The following NAALADL2 variants were observed in gnomAD, a reference collection of about 807,000 sequenced individuals.
The protein encoded by NAALADL2 is N-acetylated alpha-linked acidic dipeptidase like 2.
Under a neutral mutation model 87.2 loss-of-function variants are expected in NAALADL2, and 76 were observed. The observed-to-expected ratio is 0.87, with a 90% CI of 0.72 to 1.05. The LOEUF is 1.05. Ranked by LOEUF, NAALADL2 falls within the 50% of genes least tolerant of loss-of-function variation. The pLI, the probability that NAALADL2 is intolerant of heterozygous loss-of-function variation, is 0.00. For synonymous variants in NAALADL2, 354 were observed against 331.0 expected, an observed-to-expected ratio of 1.07 and a Z score of -0.75; for missense variants, 1,089 against 945.8, an observed-to-expected ratio of 1.15 and a Z score of -1.99.
At chr3:175,782,823 T>G (rs201278814) in intron 13 of NAALADL2, among the ~76,000 whole-genome samples, 4,408 of 140,164 alleles carry the variant, frequency 0.031, 254 homozygotes, top group African/African-American at 0.13. Flanking sequence ...TTCTTCTAGG[T>G]TTTTTATGGT....
chr3:175,029,591 G>A (rs1045126077), intron 1 of NAALADL2, among the ~76,000 whole-genome samples: 23 of 152,102 alleles, frequency 1.5e-4, no homozygotes, highest in Admixed American at 7.9e-4. Context: ...GGGAGAAAAC[G>A]AAATTTGACC....
chr3:174,887,413 G>C (rs775801133), intron 1 of NAALADL2, among the ~76,000 whole-genome samples: 5 of 151,774 alleles, frequency 3.3e-5, no homozygotes, highest in Non-Finnish European at 7.4e-5. Context: ...TTTATTAGTA[G>C]GTCACCATAT....
chr3:174,702,300 A>G (rs1327629671), intron 2 of NAALADL2, among the ~76,000 whole-genome samples: 1 of 152,176 alleles, frequency 6.6e-6, no homozygotes, highest in Non-Finnish European at 1.5e-5. Context: ...TATTACAATA[A>G]AAGAATAATC....
chr3:174,504,328 G>A (rs886918754), intron 1 of NAALADL2, among the ~76,000 whole-genome samples: 1 of 152,070 alleles, frequency 6.6e-6, no homozygotes, highest in Admixed American at 6.6e-5. Context: ...TAGCAATTTA[G>A]TTTCCTTATT....
At chr3:175,401,879 C>T (rs1770606160) in intron 5 of NAALADL2, among the ~76,000 whole-genome samples, 1 of 151,978 alleles carries the variant, frequency 6.6e-6, no homozygotes, top group Admixed American at 6.6e-5. Flanking sequence ...CATAAAAGTC[C>T]AGTAGACGAT....
At chr3:175,151,485 G>A (rs950223744) in intron 2 of NAALADL2, among the ~76,000 whole-genome samples, 7 of 152,132 alleles carry the variant, frequency 4.6e-5, no homozygotes, top group African/African-American at 1.7e-4. Flanking sequence ...ACTGGGAATT[G>A]TCTTTTAATT....
chr3:174,576,223 A>G (rs1395363925), intron 2 of NAALADL2, among the ~76,000 whole-genome samples: 2 of 152,202 alleles, frequency 1.3e-5, no homozygotes, highest in East Asian at 1.9e-4. Context: ...CAAATGGAAA[A>G]TAGAATAAAC....
At chr3:174,791,890 G>T (rs887274056) in intron 3 of NAALADL2, among the ~76,000 whole-genome samples, 1 of 152,216 alleles carries the variant, frequency 6.6e-6, no homozygotes, top group African/African-American at 2.4e-5. Context: ...CAGAGGAAGT[G>T]TCCAATAAAT....
intron 9 of NAALADL2, among the ~76,000 whole-genome samples, chr3:175,564,399 C>T (rs1423815421): frequency 1.3e-5 from 2 of 148,700 alleles, no homozygotes; most frequent in Non-Finnish European, 3.0e-5. Flanking sequence ...TTAAATATTT[C>T]ATTAAACATA....
chr3:175,725,836 T>C (rs1742848359), intron 11 of NAALADL2, among the ~76,000 whole-genome samples: 1 of 152,148 alleles, frequency 6.6e-6, no homozygotes. Flanking sequence ...ATATAAAGAA[T>C]TTAGAATAAT....
intron 2 of NAALADL2, among the ~76,000 whole-genome samples, chr3:175,229,189 G>A (rs1253912093): frequency 6.6e-6 from 1 of 151,566 alleles, no homozygotes; most frequent in African/African-American, 2.4e-5. Context: ...ATATTTTCTG[G>A]AGGTCATAGC....
chr3:174,722,316 C>A (rs565302521), intron 2 of NAALADL2, among the ~76,000 whole-genome samples: 1 of 152,272 alleles, frequency 6.6e-6, no homozygotes, highest in East Asian at 1.9e-4. Flanking sequence ...ACCCACTGTA[C>A]CATTTCATTT....
intron 1 of NAALADL2, among the ~76,000 whole-genome samples, chr3:174,974,028 T>TA (rs1192248579): frequency 3.3e-5 from 5 of 152,212 alleles, no homozygotes; most frequent in Non-Finnish European, 5.9e-5. Flanking sequence ...AGTGACACAT[T>TA]AAAAATAGTA....
intron 12 of NAALADL2, among the ~76,000 whole-genome samples, chr3:175,750,117 G>T (rs1452051120): frequency 6.6e-6 from 1 of 152,184 alleles, no homozygotes; most frequent in African/African-American, 2.4e-5. Flanking sequence ...GAGCCTCAGA[G>T]GAGTTTGTGT....
In NAALADL2 at chr3:174,610,302, A is replaced by G. The variant is rs183770627; in HGVS notation, c.-115+59665A>G. 5.3e-4 allele frequency among the ~76,000 whole-genome samples: 80 copies of G among 152,088 alleles called. 1 individual carries two copies. Among genetic ancestry groups the G allele is most frequent in the African/African-American group, 1.9e-3 (78 of 41,534 alleles). ...ACCAAAAGCAATAGCAACAAAAGACAAAATTGACAAATGGGATCTAATTAA... is the reference window on the plus strand; with the variant it reads ...ACCAAAAGCAATAGCAACAAAAGACGAAATTGACAAATGGGATCTAATTAA... On this transcript the variant is annotated intron_variant, in intron 2 of 3. Coordinates refer to the NAALADL2 transcript ENST00000434257.
chr3:174,930,614 C>CTTTTTTTTTTT lies in NAALADL2; in HGVS notation c.43+71179_43+71189dup, dbSNP rs760690405. 4.4e-3 allele frequency among the ~76,000 whole-genome samples: 292 copies of CTTTTTTTTTTT among 66,804 alleles called. 65 individuals carry two copies. The highest frequency in any genetic ancestry group is 0.017 in the African/African-American group (262 of 15,772). 43.8% of individuals were successfully genotyped at this position (66,804 alleles called of 152,430 possible). On this transcript the variant is annotated intron_variant, in intron 1 of 13. Transcript: ENST00000454872. ...TTGCAAGTCCTTTAAATAAGATGAACTTTTTTTTTTTTTTTTTTTTTTTTT... is the reference window on the plus strand; with the variant it reads ...TTGCAAGTCCTTTAAATAAGATGAACTTTTTTTTTTTTTTTTTTTTTTTTTTTTTTTTTTTT...
At chr3:175,501,305 A>G (rs1371906451) in intron 9 of NAALADL2, among the ~76,000 whole-genome samples, 1 of 152,070 alleles carries the variant, frequency 6.6e-6, no homozygotes, top group Non-Finnish European at 1.5e-5. Flanking sequence ...TATTGGCTTC[A>G]TGTTCAGGTA....
At chr3:174,511,773 TATG>T (rs1049547671) in intron 1 of NAALADL2, among the ~76,000 whole-genome samples, 19 of 152,036 alleles carry the variant, frequency 1.2e-4, no homozygotes, top group African/African-American at 4.1e-4. Context: ...GGACATATTT[TATG>T]ATATTTTGTT....
At chr3:174,647,390 T>C (rs773394594) in intron 2 of NAALADL2, among the ~76,000 whole-genome samples, 1 of 152,110 alleles carries the variant, frequency 6.6e-6, no homozygotes, top group Non-Finnish European at 1.5e-5. Context: ...GCACAAGTCA[T>C]TGGGGAGTGA....
Sources: allele counts gnomAD v4.1 joint callset (sites outside exome capture counted in the v4.1 genomes callset), GRCh38; gene constraint gnomAD v4.1.1; transcripts MANE v1.5; gene names NCBI Gene and HGNC (gene_info 2026-07-23, HGNC 2026-07-21).